OR10J5: variants seen among roughly 807,000 people sequenced by gnomAD.
The protein encoded by OR10J5 is olfactory receptor 10J5.
For missense variants in OR10J5, 389 were observed against 372.1 expected (o/e 1.05, Z -0.37); for synonymous variants, 171 against 137.1 (o/e 1.25, Z -1.73).
Position 159,535,985 on chromosome 1 carries a change from T to C in OR10J5, c.23A>G (p.Glu8Gly). ...TCCCAAGAAAATGAATTCTGACACT[T>C]CTGTGAAGTTCTTTCTCTTCATTCT... MKRKNFTEVSEFIFLGFS... is the reference protein window; with the variant it reads MKRKNFTGVSEFIFLGFS... Residue 8 changes from glutamate (E) to glycine (G), a missense_variant, in exon 1 of 1, where the codon GAA becomes GGA. Coordinates refer to ENST00000334857, the MANE Select transcript of OR10J5 (RefSeq NM_001004469.1). 2 of 1,605,746 alleles carry C rather than the reference T, an allele frequency of 1.2e-6. No individual in the cohort carries two copies. Among genetic ancestry groups the C allele is most frequent in the Non-Finnish European group, 1.7e-6 (2 of 1,176,788 alleles).
rs1657837087 is a variant in OR10J5, at chr1:159,535,552, A to G, written c.456T>C (p.Gly152=). The G allele has an allele frequency of 6.2e-7, 1 of 1,614,120 alleles. No homozygotes were observed. The highest frequency in any genetic ancestry group is 8.5e-7 in the Non-Finnish European group (1 of 1,179,992). The change falls in exon 1 of 1, where the codon GGT becomes GGC. Residue 152 remains glycine (G), a synonymous_variant. Coordinates refer to ENST00000334857, the MANE Select transcript of OR10J5 (RefSeq NM_001004469.1). ...TCACATGGAGAACTGCCATAGTCAG[A>G]CCAATGCCAAAGGACCCACACACCA... ...AQLVCGSFGI[G]LTMAVLHVTA...
In OR10J5 at chr1:159,535,996, C is replaced by T; in HGVS notation, c.12G>A (p.Lys4=). ...TGAATTCTGACACTTCTGTGAAGTT[C>T]TTTCTCTTCATTCTGCTATATCAGT... MKR[K]NFTEVSEFIF... Residue 4 remains lysine (K), a synonymous_variant, in exon 1 of 1, where the codon AAG becomes AAA. Transcript: ENST00000334857. The T allele has an allele frequency of 1.2e-6, 2 of 1,600,500 alleles. No homozygotes were observed. Among genetic ancestry groups the T allele is most frequent in the Non-Finnish European group, 1.7e-6 (2 of 1,174,542 alleles).
chr1:159,535,651 C>G lies in OR10J5; in HGVS notation c.357G>C (p.Gly119=), dbSNP rs1454266499. 1 of 1,613,948 alleles carries G rather than the reference C, an allele frequency of 6.2e-7. No homozygotes were observed. Among genetic ancestry groups the G allele is most frequent in the Non-Finnish European group, 8.5e-7 (1 of 1,180,008 alleles). ...TNNCFLLTAM[G]YDRYVAICRP... is the part of the protein sequence containing the mutation. ...TGCAGATGGCCACATAGCGGTCATA[C>G]CCCATTGCAGTAAGCAGGAAGCAAT... Residue 119 remains glycine, a synonymous_variant, in exon 1 of 1, where the codon GGG becomes GGC. Coordinates refer to ENST00000334857, the MANE Select transcript of OR10J5 (RefSeq NM_001004469.1).
rs771300362 is a variant in OR10J5, at chr1:159,535,467, A to G, written c.541T>C (p.Tyr181His). 1 of 1,614,172 alleles carries G rather than the reference A, an allele frequency of 6.2e-7. No homozygotes were observed. Among genetic ancestry groups the G allele is most frequent in the Non-Finnish European group, 8.5e-7 (1 of 1,180,002 alleles). ...TVVDHFFCDI[Y>H]PVMKLSCIDT... ...ATGCAAGAAAGTTTCATGACTGGGT[A>G]AATGTCACAAAAGAAGTGGTCTACC... Residue 181 changes from tyrosine (Y) to histidine (H), a missense_variant, in exon 1 of 1, where the codon TAC becomes CAC. By Grantham distance (83) the Tyr-to-His change is moderately conservative. Transcript: ENST00000334857.
chr1:159,535,435 G>T lies in OR10J5; in HGVS notation c.573C>A (p.Thr191=), dbSNP rs745314418. The change falls in exon 1 of 1, where the codon ACC becomes ACA. Residue 191 remains threonine (T), a synonymous_variant. Coordinates refer to ENST00000334857, the MANE Select transcript of OR10J5 (RefSeq NM_001004469.1). ...CATAATTTATTATCTCATTGATAGT[G>T]GTATCAATGCAAGAAAGTTTCATGA... The part of the protein sequence containing the change: ...YPVMKLSCID[T]TINEIINYGV... 6.2e-7 allele frequency: 1 copy of T among 1,611,562 alleles called. No individual in the cohort carries two copies. The highest frequency in any genetic ancestry group is 8.5e-7 in the Non-Finnish European group (1 of 1,177,688).
chr1:159,535,136 A>T lies in OR10J5; in HGVS notation c.872T>A (p.Leu291Gln), dbSNP rs769829462. 1 of 1,613,986 alleles carries T rather than the reference A, an allele frequency of 6.2e-7. No individual in the cohort carries two copies. The highest frequency in any genetic ancestry group is 1.1e-5 in the South Asian group (1 of 91,076). The change falls in exon 1 of 1, where the codon CTG becomes CAG. Residue 291 changes from leucine (L) to glutamine (Q), a missense_variant. Coordinates refer to ENST00000334857, the MANE Select transcript of OR10J5 (RefSeq NM_001004469.1). ...TPLLNPVVYS[L>Q]RNKEVKDALC... Reference sequence around the variant, plus strand: ...GGCATCCTTTACCTCCTTGTTTCTCAGACTGTAAACAACAGGGTTCAGCAA... The same window carrying T: ...GGCATCCTTTACCTCCTTGTTTCTCTGACTGTAAACAACAGGGTTCAGCAA...
chr1:159,535,488 C>G lies in OR10J5; in HGVS notation c.520G>C (p.Asp174His), dbSNP rs1230156863. ...GGGTAAATGTCACAAAAGAAGTGGT[C>G]TACCACTGTGCCACAGAACGGCAAA... ...FNLPFCGTVV[D>H]HFFCDIYPVM... Residue 174 changes from aspartate to histidine, a missense_variant, in exon 1 of 1, where the codon GAC becomes CAC. Asp to His is a moderately conservative substitution (Grantham distance 81, BLOSUM62 -1). Coordinates refer to ENST00000334857, the MANE Select transcript of OR10J5 (RefSeq NM_001004469.1). The G allele has an allele frequency of 1.9e-6, 3 of 1,613,972 alleles. No individual in the cohort carries two copies. Among genetic ancestry groups the G allele is most frequent in the Non-Finnish European group, 2.5e-6 (3 of 1,180,004 alleles).
At position 159,535,587 on chromosome 1, in the gene OR10J5, A is replaced by G; in HGVS notation, c.421T>C (p.Cys141Arg). 1.2e-6 allele frequency: 2 copies of G among 1,614,192 alleles called. No individual in the cohort carries two copies. Among genetic ancestry groups the G allele is most frequent in the East Asian group, 2.2e-5 (1 of 44,884 alleles). ...RYTVIMSKGL[C>R]AQLVCGSFGI... Reference sequence around the variant, plus strand: ...AAGGACCCACACACCAGCTGGGCACATAGTCCCTTGCTCATGATGACAGTG... The same window carrying G: ...AAGGACCCACACACCAGCTGGGCACGTAGTCCCTTGCTCATGATGACAGTG... The change falls in exon 1 of 1, where the codon TGT (cysteine) becomes CGT (arginine). Residue 141 changes from cysteine to arginine, a missense_variant. By Grantham distance (180) the Cys-to-Arg change is radical. Coordinates refer to ENST00000334857, the MANE Select transcript of OR10J5 (RefSeq NM_001004469.1).
rs746762107 is a variant in OR10J5 at position 159,535,126 on chromosome 1, C to T, written c.882G>A (p.Lys294=). 6.2e-7 allele frequency: 1 copy of T among 1,613,940 alleles called. No homozygotes were observed. The highest frequency in any genetic ancestry group is 1.1e-5 in the South Asian group (1 of 91,060). The change falls in exon 1 of 1, where the codon AAG becomes AAA. Residue 294 remains lysine, a synonymous_variant. Transcript: ENST00000334857. The part of the protein sequence containing the change: ...LNPVVYSLRN[K]EVKDALCRVV... ...CTCTGCATAGGGCATCCTTTACCTC[C>T]TTGTTTCTCAGACTGTAAACAACAG...
chr1:159,535,590 G>A lies in OR10J5; in HGVS notation c.418C>T (p.Leu140=), dbSNP rs760840556. Residue 140 remains leucine, a synonymous_variant, in exon 1 of 1, where the codon CTA becomes TTA. Transcript: ENST00000334857. The stretch of plus-strand genomic sequence containing the variant: ...GACCCACACACCAGCTGGGCACATA[G>A]TCCCTTGCTCATGATGACAGTGTAT... ...LRYTVIMSKG[L]CAQLVCGSFG... is the part of the protein sequence containing the mutation. 2.9e-5 allele frequency: 47 copies of A among 1,614,040 alleles called. No homozygotes were observed. The highest frequency in any genetic ancestry group is 3.8e-5 in the Non-Finnish European group (45 of 1,180,030).
chr1:159,535,229 T>C lies in OR10J5; in HGVS notation c.779A>G (p.Lys260Arg). The change falls in exon 1 of 1, where the codon AAG becomes AGG. Residue 260 changes from lysine to arginine, a missense_variant. Physicochemically the swap from Lys to Arg is conservative, Grantham distance 26. Transcript: ENST00000334857. ...TTCTATTGAACTTTCTGACTTCGGC[T>C]TGAGGTAGGCAATGGAGGCACAGCC... ...HCGCASIAYL[K>R]PKSESSIEKD... The C allele has an allele frequency of 1.2e-6, 2 of 1,613,984 alleles. No homozygotes were observed. Among genetic ancestry groups the C allele is most frequent in the Non-Finnish European group, 1.7e-6 (2 of 1,180,006 alleles).
Position 159,535,345 on chromosome 1 carries a change from G to C in OR10J5, c.663C>G (p.Ile221Met). The C allele has an allele frequency of 6.2e-7, 1 of 1,614,146 alleles. No individual in the cohort carries two copies. The highest frequency in any genetic ancestry group is 2.2e-5 in the East Asian group (1 of 44,878). Residue 221 changes from isoleucine (I) to methionine (M), a missense_variant, in exon 1 of 1, where the codon ATC (isoleucine) becomes ATG (methionine). Physicochemically the swap from Ile to Met is conservative, Grantham distance 10. Coordinates refer to ENST00000334857, the MANE Select transcript of OR10J5 (RefSeq NM_001004469.1). ...CTGAGGCAATTTGAAGGATGGAAGA[G>C]ATGACAAGGACATAGGAGATAAATA... ...GLIFISYVLVISSILQIASAE... is the reference protein window; with the variant it reads ...GLIFISYVLVMSSILQIASAE...
Position 159,535,490 on chromosome 1 carries a change from A to C in OR10J5, c.518T>G (p.Val173Gly), listed in dbSNP as rs1322187196. 2 of 1,614,184 alleles carry C rather than the reference A, an allele frequency of 1.2e-6. No individual in the cohort carries two copies. The highest frequency in any genetic ancestry group is 1.7e-6 in the Non-Finnish European group (2 of 1,180,000). The part of the protein sequence containing the change: ...MFNLPFCGTV[V>G]DHFFCDIYPV... The stretch of plus-strand genomic sequence containing the variant: ...GTAAATGTCACAAAAGAAGTGGTCT[A>C]CCACTGTGCCACAGAACGGCAAATT... The change falls in exon 1 of 1, where the codon GTA becomes GGA. Residue 173 changes from valine (V) to glycine (G), a missense_variant. Val to Gly is a moderately radical substitution (Grantham distance 109). Coordinates refer to ENST00000334857, the MANE Select transcript of OR10J5 (RefSeq NM_001004469.1).
chr1:159,535,662 T>G lies in OR10J5; in HGVS notation c.346A>C (p.Thr116Pro). ...ILATNNCFLL[T>P]AMGYDRYVAI... ...ACATAGCGGTCATACCCCATTGCAGTAAGCAGGAAGCAATTATTAGTGGCC... is the reference window on the plus strand; with the variant it reads ...ACATAGCGGTCATACCCCATTGCAGGAAGCAGGAAGCAATTATTAGTGGCC... Residue 116 changes from threonine (T) to proline (P), a missense_variant, in exon 1 of 1, where the codon ACT becomes CCT. Transcript: ENST00000334857. The G allele has an allele frequency of 6.2e-7, 1 of 1,614,082 alleles. No homozygotes were observed. Among genetic ancestry groups the G allele is most frequent in the Non-Finnish European group, 8.5e-7 (1 of 1,179,998 alleles).
rs1443022549 is a variant in OR10J5 at position 159,535,679 on chromosome 1, T to C, written c.329A>G (p.Asn110Ser). ...CATTGCAGTAAGCAGGAAGCAATTA[T>C]TAGTGGCCAAGATAACAAAAAAGAA... ...QMFFFVILATNNCFLLTAMGY... is the reference protein window; with the variant it reads ...QMFFFVILATSNCFLLTAMGY... The change falls in exon 1 of 1, where the codon AAT becomes AGT. Residue 110 changes from asparagine (N) to serine (S), a missense_variant. Coordinates refer to ENST00000334857, the MANE Select transcript of OR10J5 (RefSeq NM_001004469.1). 4 of 1,614,136 alleles carry C rather than the reference T, an allele frequency of 2.5e-6. No individual in the cohort carries two copies. Among genetic ancestry groups the C allele is most frequent in the Admixed American group, 1.7e-5 (1 of 60,006 alleles).
rs774997574 is a variant in OR10J5, at chr1:159,535,863, T to C, written c.145A>G (p.Ile49Val). 5.6e-6 allele frequency: 9 copies of C among 1,614,092 alleles called. No individual in the cohort carries two copies. Among genetic ancestry groups the C allele is most frequent in the Middle Eastern group, 3.3e-4 (2 of 6,062 alleles). ...GTGTGGAGATGATGGTCAATGCAGATGATAGTCACAATGATGATGTTAGCA... is the reference window on the plus strand; with the variant it reads ...GTGTGGAGATGATGGTCAATGCAGACGATAGTCACAATGATGATGTTAGCA... ...LVANIIIVTI[I>V]CIDHHLHTPM... Residue 49 changes from isoleucine to valine, a missense_variant, in exon 1 of 1, where the codon ATC (isoleucine) becomes GTC (valine). Ile to Val is a conservative substitution (Grantham distance 29). Transcript: ENST00000334857.
chr1:159,535,897 T>G lies in OR10J5; in HGVS notation c.111A>C (p.Leu37Phe). ...CAATGATGATGTTAGCAACCAGAGTTAAAATGTAGACAGTTAGGAAAACCA... is the reference window on the plus strand; with the variant it reads ...CAATGATGATGTTAGCAACCAGAGTGAAAATGTAGACAGTTAGGAAAACCA... ...LFVVFLTVYI[L>F]TLVANIIIVT... Residue 37 changes from leucine (L) to phenylalanine (F), a missense_variant, in exon 1 of 1, where the codon TTA becomes TTC. By Grantham distance (22) the Leu-to-Phe change is conservative (BLOSUM62 0). Transcript: ENST00000334857. 1.2e-6 allele frequency: 2 copies of G among 1,613,950 alleles called. No homozygotes were observed. The highest frequency in any genetic ancestry group is 1.3e-5 in the African/African-American group (1 of 75,022).
chr1:159,535,531 A>G lies in OR10J5; in HGVS notation c.477T>C (p.His159=), dbSNP rs1429269409. Residue 159 remains histidine (H), a synonymous_variant, in exon 1 of 1, where the codon CAT becomes CAC. Coordinates refer to ENST00000334857, the MANE Select transcript of OR10J5 (RefSeq NM_001004469.1). ...ACGGCAAATTGAACATGGCTGTCAC[A>G]TGGAGAACTGCCATAGTCAGACCAA... The part of the protein sequence containing the change: ...FGIGLTMAVL[H]VTAMFNLPFC... 6.2e-7 allele frequency: 1 copy of G among 1,614,102 alleles called. No homozygotes were observed. Among genetic ancestry groups the G allele is most frequent in the South Asian group, 1.1e-5 (1 of 91,060 alleles).
chr1:159,535,549 C>G lies in OR10J5; in HGVS notation c.459G>C (p.Leu153=), dbSNP rs1657837011. Residue 153 remains leucine (L), a synonymous_variant, in exon 1 of 1, where the codon CTG becomes CTC. Coordinates refer to ENST00000334857, the MANE Select transcript of OR10J5 (RefSeq NM_001004469.1). Reference sequence around the variant, plus strand: ...CTGTCACATGGAGAACTGCCATAGTCAGACCAATGCCAAAGGACCCACACA... The same window carrying G: ...CTGTCACATGGAGAACTGCCATAGTGAGACCAATGCCAAAGGACCCACACA... ...QLVCGSFGIG[L]TMAVLHVTAM... The G allele has an allele frequency of 1.9e-6, 3 of 1,613,924 alleles. No homozygotes were observed. Among genetic ancestry groups the G allele is most frequent in the Non-Finnish European group, 2.5e-6 (3 of 1,179,946 alleles).
Sources: gnomAD v4.1 joint callset for allele counts on GRCh38, gnomAD v4.1.1 for gene constraint, MANE v1.5 for transcripts, NCBI Gene and HGNC (gene_info 2026-07-23, HGNC 2026-07-21) for gene names.